EPG5: variants seen among roughly 807,000 people sequenced by gnomAD.
EPG5 encodes ectopic P granules protein 5 homolog.
In EPG5, 159 loss-of-function variants were observed where a neutral mutation model predicts 302.7. The observed-to-expected ratio is 0.53, with a 90% CI of 0.46 to 0.60. The LOEUF (loss-of-function observed/expected upper bound fraction) is 0.60, where lower values mean the gene tolerates loss of function less well. Among genes scored for constraint, EPG5 ranks in the 20% least tolerant of loss-of-function variants. The pLI, the probability that EPG5 is intolerant of heterozygous loss-of-function variation, is 0.00. For synonymous variants in EPG5, 1,158 were observed against 1,136.8 expected, an observed-to-expected ratio of 1.02 and a Z score of -0.37; for missense variants, 2,896 against 3,092.4, an observed-to-expected ratio of 0.94 and a Z score of 1.51.
In EPG5 at chr18:45,855,581, C is replaced by T; in HGVS notation, c.7549G>A (p.Ala2517Thr). ...TCATTGTATATACTGACCTGCTGAG[C>T]TTTGGGGGTCAGATGTAATTCAGAG... ...PGSELHLTPKAQQALNALESM... is the reference protein window; with the variant it reads ...PGSELHLTPKTQQALNALESM... Residue 2517 changes from alanine to threonine, a missense_variant, in exon 43 of 44, where the codon GCT becomes ACT. Physicochemically the swap from Ala to Thr is moderately conservative, Grantham distance 58 (BLOSUM62 0). Around this residue, in one of 5 missense-constraint regions of EPG5, gnomAD observed 620 missense variants for 704.2 expected, o/e 0.88. Transcript: ENST00000282041. 6.2e-7 allele frequency: 1 copy of T among 1,613,634 alleles called. No individual in the cohort carries two copies. Among genetic ancestry groups the T allele is most frequent in the Non-Finnish European group, 8.5e-7 (1 of 1,179,596 alleles).
chr18:45,861,639 G>A (rs2048636665), intron 39 of EPG5, among the ~76,000 whole-genome samples: 1 of 152,184 alleles, frequency 6.6e-6, no homozygotes, highest in Non-Finnish European at 1.5e-5. Flanking sequence ...ATTGAATGTG[G>A]CTGACTTGCC....
At chr18:45,900,613 T>C (rs954186822) in intron 26 of EPG5, among the ~76,000 whole-genome samples, 1 of 152,144 alleles carries the variant, frequency 6.6e-6, no homozygotes, top group African/African-American at 2.4e-5. Context: ...TTATGTCAAT[T>C]TCTTAAAGAA....
chr18:45,821,450 G>C, the EPG5 span, among the ~76,000 whole-genome samples: 1 of 152,070 alleles, frequency 6.6e-6, no homozygotes, highest in East Asian at 1.9e-4. Flanking sequence ...AAAAGAGAAG[G>C]CATTTTATAT....
At chr18:45,906,657 T>TC (rs1467283820) in intron 24 of EPG5, among the ~76,000 whole-genome samples, 1 of 136,322 alleles carries the variant, frequency 7.3e-6, no homozygotes, top group African/African-American at 3.2e-5. Flanking sequence ...CTCTCGTAAT[T>TC]TTTTTTTTTT....
At chr18:45,888,740 G>A (rs961013181) in intron 28 of EPG5, among the ~76,000 whole-genome samples, 1 of 152,114 alleles carries the variant, frequency 6.6e-6, no homozygotes, top group Non-Finnish European at 1.5e-5. Flanking sequence ...GCATCTGGCC[G>A]ATTTTCAATA....
At chr18:45,943,930 AAG>A in intron 8 of EPG5, 73 bp downstream of exon 8, 1 of 960,198 alleles carries the variant, frequency 1.0e-6, no homozygotes, top group African/African-American at 1.7e-5. Flanking sequence ...CAAAAAAAAA[AAG>A]AAGACTCAAT....
At chr18:45,966,713 A>G (rs1260945465) in intron 1 of EPG5, among the ~76,000 whole-genome samples, 1 of 152,206 alleles carries the variant, frequency 6.6e-6, no homozygotes, top group East Asian at 1.9e-4. Context: ...AGTGATCAGA[A>G]ATGGCACAGC....
chr18:45,820,045 A>G, the EPG5 span, among the ~76,000 whole-genome samples: 4 of 152,052 alleles, frequency 2.6e-5, no homozygotes, highest in African/African-American at 4.8e-5. Flanking sequence ...ACCCAGTTTC[A>G]CCCCCATCTG....
chr18:45,917,157 C>T (rs534733865), intron 17 of EPG5, among the ~76,000 whole-genome samples: 1 of 152,308 alleles, frequency 6.6e-6, no homozygotes, highest in Non-Finnish European at 1.5e-5. Context: ...CCCCACTGTA[C>T]AGGGTTCCTC....
chr18:45,935,688 G>A (rs912003836), intron 10 of EPG5, among the ~76,000 whole-genome samples: 21 of 152,250 alleles, frequency 1.4e-4, no homozygotes, highest in African/African-American at 2.9e-4. Context: ...ACAGGTACAC[G>A]TGTGCCCACA....
chr18:45,828,133 G>A, the EPG5 span, among the ~76,000 whole-genome samples: 5 of 152,276 alleles, frequency 3.3e-5, no homozygotes, highest in South Asian at 4.1e-4. Flanking sequence ...CAGGAGGCCC[G>A]AGGAGCAGGC....
chr18:45,899,357 G>C (rs548174694), intron 27 of EPG5, 47 bp downstream of exon 27: 46 of 1,601,752 alleles, frequency 2.9e-5, no homozygotes, highest in Middle Eastern at 3.3e-4. Flanking sequence ...CCAACATTAC[G>C]GACTCAATTA....
the EPG5 span, among the ~76,000 whole-genome samples, chr18:45,830,583 CTT>C: frequency 1.6e-4 from 15 of 96,728 alleles, no homozygotes; most frequent in South Asian, 2.2e-3. Flanking sequence ...ATTTTTCTTT[CTT>C]TTTTTTTTTT....
intron 13 of EPG5, among the ~76,000 whole-genome samples, chr18:45,928,476 A>G (rs1312079246): frequency 2.0e-5 from 3 of 152,232 alleles, no homozygotes; most frequent in African/African-American, 7.2e-5. Context: ...ACTACATACT[A>G]TTTATTTTGC....
Position 45,913,802 on chromosome 18 carries a change from G to A in EPG5, c.3720C>T (p.Asn1240=). ...AGTCCTCTTCAAAGATGGATTCCAT[G>A]TTGAGCACTGTCCAGGCAAACCAGA... ...TQVWFAWTVL[N]MESIFEEDSQ... is the part of the protein sequence containing the mutation. Residue 1240 remains asparagine, a synonymous_variant, in exon 21 of 44, where the codon AAC becomes AAT. Transcript: ENST00000282041. 1 of 1,614,092 alleles carries A rather than the reference G, an allele frequency of 6.2e-7. No individual in the cohort carries two copies.
downstream of EPG5, among the ~76,000 whole-genome samples, chr18:45,845,107 C>T (rs1332951354): frequency 6.6e-6 from 1 of 152,178 alleles, no homozygotes; most frequent in East Asian, 1.9e-4. Flanking sequence ...CTTAAGCTAA[C>T]GGTTGAGACT....
Position 45,880,433 on chromosome 18 carries a change from G to A in EPG5, c.5519-210C>T, listed in dbSNP as rs551444318. On this transcript the variant is annotated intron_variant, in intron 31 of 43. Coordinates refer to ENST00000282041, the MANE Select transcript of EPG5 (RefSeq NM_020964.3). ...GCACATTTGGTTTTCCTGGTTCCTG[G>A]TAACCCTGCTGGGAGTGAGCGCTGC... Among the ~76,000 whole-genome samples, 6 of 152,304 alleles carry A rather than the reference G, an allele frequency of 3.9e-5. 1 individual carries two copies. The highest frequency in any genetic ancestry group is 1.4e-4 in the African/African-American group (6 of 41,562).
the EPG5 span, among the ~76,000 whole-genome samples, chr18:45,833,786 A>G: frequency 4.5e-4 from 69 of 152,344 alleles, 1 homozygote; most frequent in Admixed American, 2.5e-3. Flanking sequence ...AGGTATAGAT[A>G]TATAGGACCG....
intron 16 of EPG5, among the ~76,000 whole-genome samples, chr18:45,918,999 T>C (rs866095060): frequency 2.6e-5 from 4 of 152,150 alleles, no homozygotes; most frequent in African/African-American, 9.7e-5. Flanking sequence ...ACAAGGAAGC[T>C]ACTTACAATT....
Sources: gnomAD v4.1 joint callset for allele counts (sites outside exome capture counted in the v4.1 genomes callset) on GRCh38, gnomAD v4.1.1 for gene constraint, gnomAD v4.1.1 regional missense constraint, MANE v1.5 for transcripts, NCBI Gene and HGNC (gene_info 2026-07-23, HGNC 2026-07-21) for gene names.